Variants in ZNG1A observed in about 807,000 individuals in gnomAD.
ZNG1A encodes Zn regulated GTPase metalloprotein activator 1A.
chr9:144,857 A>C, the ZNG1A span, among the ~76,000 whole-genome samples: 1 of 150,902 alleles, frequency 6.6e-6, no homozygotes, highest in African/African-American at 2.4e-5. Context: ...CAAGAAAAAA[A>C]CAAACAACCC....
the ZNG1A span, among the ~76,000 whole-genome samples, chr9:170,167 T>A: frequency 6.7e-6 from 1 of 148,898 alleles, no homozygotes; most frequent in African/African-American, 2.5e-5. Flanking sequence ...GAAGGGCTTA[T>A]TAAAAACAGC....
chr9:178,122 T>G, the ZNG1A span, among the ~76,000 whole-genome samples: 1 of 151,128 alleles, frequency 6.6e-6, no homozygotes, highest in South Asian at 2.1e-4. Context: ...CTCAAACTTT[T>G]CCAGTAAGAA....
At chr9:162,982 A>G in the ZNG1A span, among the ~76,000 whole-genome samples, 34 of 152,182 alleles carry the variant, frequency 2.2e-4, no homozygotes, top group Non-Finnish European at 3.8e-4. Context: ...ACATATGCCT[A>G]AGTTTCCAAA....
chr9:121,623 A>G, the ZNG1A span: 2 of 1,552,326 alleles, frequency 1.3e-6, no homozygotes, highest in Non-Finnish European at 1.8e-6. Flanking sequence ...TATTAAAATG[A>G]CACAGTTCAC....
chr9:126,732 C>T, the ZNG1A span, among the ~76,000 whole-genome samples: 1 of 151,302 alleles, frequency 6.6e-6, no homozygotes, highest in African/African-American at 2.4e-5. Flanking sequence ...GATCTCCTTT[C>T]TTCTGCTGGG....
At chr9:174,329 T>A in the ZNG1A span, among the ~76,000 whole-genome samples, 6 of 152,036 alleles carry the variant, frequency 3.9e-5, no homozygotes, top group Admixed American at 6.5e-5. Context: ...ACTAAGCAAA[T>A]GAGCTCCCAT....
chr9:129,127 T>C, the ZNG1A span, among the ~76,000 whole-genome samples: 1 of 151,864 alleles, frequency 6.6e-6, no homozygotes, highest in Non-Finnish European at 1.5e-5. Flanking sequence ...GCTTTGCTGG[T>C]TTAATGTACT....
At chr9:168,775 G>T in the ZNG1A span, among the ~76,000 whole-genome samples, 1 of 149,098 alleles carries the variant, frequency 6.7e-6, no homozygotes, top group Non-Finnish European at 1.5e-5. Flanking sequence ...AATCTCCTCT[G>T]CCTGTTTTCT....
chr9:175,385 T>A, the ZNG1A span, among the ~76,000 whole-genome samples: 2 of 149,916 alleles, frequency 1.3e-5, no homozygotes, highest in Admixed American at 1.3e-4. Flanking sequence ...TCAAAAAAAA[T>A]AAAATAAAAT....
the ZNG1A span, among the ~76,000 whole-genome samples, chr9:127,030 T>C: frequency 7.2e-5 from 11 of 152,168 alleles, no homozygotes; most frequent in African/African-American, 2.7e-4. Flanking sequence ...TATTCCACTG[T>C]GGTCTGACAG....
the ZNG1A span, chr9:162,605 T>C: frequency 4.8e-6 from 3 of 621,646 alleles, no homozygotes; most frequent in African/African-American, 6.0e-5. Flanking sequence ...ATGTACTGTT[T>C]TTTTCTCTTG....
At chr9:177,747 G>A in the ZNG1A span, 4 of 1,536,636 alleles carry the variant, frequency 2.6e-6, no homozygotes, top group East Asian at 7.4e-5. Context: ...GGAAAGGCCC[G>A]AGCGGCACGT....
the ZNG1A span, among the ~76,000 whole-genome samples, chr9:133,954 T>C: frequency 2.3e-5 from 3 of 131,844 alleles, no homozygotes; most frequent in African/African-American, 8.6e-5. Context: ...CAAACGCTCA[T>C]GGAAAGTGAG....
At chr9:159,866 G>C in the ZNG1A span, 1 of 351,824 alleles carries the variant, frequency 2.8e-6, no homozygotes, top group Non-Finnish European at 5.6e-6. Context: ...CACTATTTTA[G>C]TTTTTAAAAA....
chr9:158,733 G>C, the ZNG1A span, among the ~76,000 whole-genome samples: 1 of 150,730 alleles, frequency 6.6e-6, no homozygotes, highest in Non-Finnish European at 1.5e-5. Flanking sequence ...CCCCAAATGA[G>C]AGCCTGCCAA....
chr9:145,782 G>A, the ZNG1A span, among the ~76,000 whole-genome samples: 1 of 151,608 alleles, frequency 6.6e-6, no homozygotes, highest in Non-Finnish European at 1.5e-5. Flanking sequence ...GTGTGAAAAC[G>A]CTAAGCTAAA....
chr9:135,891 ACACACAAAAAAGTCATGCAACGGCCTTCC>A, the ZNG1A span, among the ~76,000 whole-genome samples: 3 of 83,860 alleles, frequency 3.6e-5, no homozygotes, highest in Non-Finnish European at 6.4e-5. Context: ...GCAGTTAAGC[ACACACAAAAAAGTCATGCAACGGCCTTCC>A]CTATAGTGGT....
chr9:170,355 A>ATGTG, the ZNG1A span, among the ~76,000 whole-genome samples: 99 of 145,274 alleles, frequency 6.8e-4, 1 homozygote, highest in Middle Eastern at 3.6e-3. Flanking sequence ...GTGTGTATGA[A>ATGTG]TGTGTGTGTG....
At chr9:159,549 T>G in the ZNG1A span, among the ~76,000 whole-genome samples, 1 of 152,148 alleles carries the variant, frequency 6.6e-6, no homozygotes, top group South Asian at 2.1e-4. Flanking sequence ...TTTTTACTTG[T>G]CAATTATACC....
Sources: gnomAD v4.1 joint callset for allele counts (sites outside exome capture counted in the v4.1 genomes callset) on GRCh38, gnomAD v4.1.1 for gene constraint, MANE v1.5 for transcripts, NCBI Gene and HGNC (gene_info 2026-07-23, HGNC 2026-07-21) for gene names.